Variants in SGCG observed in about 807,000 individuals in gnomAD.
SGCG encodes sarcoglycan gamma.
A neutral mutation model predicts 29.3 loss-of-function variants in SGCG; 26 were observed. That is an observed-to-expected ratio of 0.89 (90% confidence interval 0.65 to 1.23). SGCG has a LOEUF of 1.23. Ranked by LOEUF, SGCG falls within the 50% of genes most tolerant of loss-of-function variation. The pLI, the probability that SGCG is intolerant of heterozygous loss-of-function variation, is 0.00. For synonymous variants in SGCG, 145 were observed against 129.7 expected, an observed-to-expected ratio of 1.12 and a Z score of -0.80; for missense variants, 353 against 356.0, an observed-to-expected ratio of 0.99 and a Z score of 0.07.
chr13:23,178,262 C>A (rs1042302189), upstream of SGCG, among the ~76,000 whole-genome samples: 13 of 152,042 alleles, frequency 8.6e-5, no homozygotes, highest in South Asian at 2.1e-4. Flanking sequence ...CAGGCAGGAG[C>A]AAGGAGGGAA....
chr13:23,320,170 C>T (rs1227914886), intron 6 of SGCG, among the ~76,000 whole-genome samples: 2 of 152,120 alleles, frequency 1.3e-5, no homozygotes, highest in Non-Finnish European at 2.9e-5. Flanking sequence ...ACAAGCCTGC[C>T]ACAGCTGGTT....
chr13:23,298,765 C>A (rs1378570448), intron 6 of SGCG, among the ~76,000 whole-genome samples: 1 of 152,146 alleles, frequency 6.6e-6, no homozygotes, highest in African/African-American at 2.4e-5. Context: ...ATATAGATCT[C>A]AATTAAATAA....
intron 6 of SGCG, among the ~76,000 whole-genome samples, chr13:23,302,658 A>G (rs1882207619): frequency 1.3e-5 from 1 of 76,116 alleles, no homozygotes; most frequent in Non-Finnish European, 3.5e-5. Context: ...TCAATTAAAA[A>G]TAATTTTTAA....
At chr13:23,237,206 A>T (rs1399012411) in intron 3 of SGCG, among the ~76,000 whole-genome samples, 1 of 152,230 alleles carries the variant, frequency 6.6e-6, no homozygotes, top group East Asian at 1.9e-4. Flanking sequence ...TATTGAATTC[A>T]TACTTTGAAT....
At chr13:23,227,857 C>A (rs936503974) in intron 2 of SGCG, among the ~76,000 whole-genome samples, 6 of 152,170 alleles carry the variant, frequency 3.9e-5, no homozygotes, top group African/African-American at 1.4e-4. Flanking sequence ...AATGCCAAGG[C>A]TAAAGTACAG....
chr13:23,318,490 C>T (rs1390454863), intron 6 of SGCG, among the ~76,000 whole-genome samples: 1 of 150,760 alleles, frequency 6.6e-6, no homozygotes, highest in African/African-American at 2.4e-5. Flanking sequence ...ATTACACACA[C>T]ACATAAGCAT....
chr13:23,220,878 C>A (rs1291876637), intron 2 of SGCG, among the ~76,000 whole-genome samples: 1 of 152,088 alleles, frequency 6.6e-6, no homozygotes, highest in Non-Finnish European at 1.5e-5. Context: ...TTTCAGAATC[C>A]ATCTTTATAG....
chr13:23,176,379 A>G (rs576060696), upstream of SGCG, among the ~76,000 whole-genome samples: 2 of 152,306 alleles, frequency 1.3e-5, no homozygotes, highest in Non-Finnish European at 2.9e-5. Context: ...GTTTCAAAGT[A>G]CATATAGATC....
chr13:23,170,026 G>C, the SGCG span: 1 of 152,100 alleles, frequency 6.6e-6, no homozygotes, highest in East Asian at 1.9e-4. Flanking sequence ...TCCGATTCAG[G>C]GCAAGCGAAG....
intron 3 of SGCG, among the ~76,000 whole-genome samples, chr13:23,247,872 A>G: frequency 6.6e-6 from 1 of 150,728 alleles, no homozygotes; most frequent in Admixed American, 6.6e-5. Flanking sequence ...GATCACTTGA[A>G]TCCACGAGTC....
intron 2 of SGCG, among the ~76,000 whole-genome samples, chr13:23,231,834 G>A (rs969472400): frequency 2.0e-5 from 3 of 152,124 alleles, no homozygotes; most frequent in Non-Finnish European, 4.4e-5. Context: ...AAAGAGCTCA[G>A]AAGGCCAGGC....
At chr13:23,181,667 T>C (rs1876738024) in intron 1 of SGCG, among the ~76,000 whole-genome samples, 1 of 152,216 alleles carries the variant, frequency 6.6e-6, no homozygotes, top group South Asian at 2.1e-4. Flanking sequence ...CTGCTCAAAA[T>C]ATGTATGAAA....
chr13:23,243,010 G>C (rs1044413221), intron 3 of SGCG, among the ~76,000 whole-genome samples: 3 of 152,052 alleles, frequency 2.0e-5, no homozygotes, highest in African/African-American at 7.2e-5. Context: ...ATTGTTTTAA[G>C]GTACTTCTTA....
chr13:23,166,395 C>T, the SGCG span, among the ~76,000 whole-genome samples: 4 of 152,090 alleles, frequency 2.6e-5, no homozygotes, highest in African/African-American at 9.7e-5. Flanking sequence ...GAGGTTTCAC[C>T]ATGTTGGCCA....
chr13:23,214,775 C>T (rs944826570), intron 2 of SGCG, among the ~76,000 whole-genome samples: 5 of 152,162 alleles, frequency 3.3e-5, no homozygotes, highest in African/African-American at 4.8e-5. Context: ...AAAAATACAA[C>T]GCTGTAGCAT....
intron 1 of SGCG, among the ~76,000 whole-genome samples, chr13:23,195,181 T>TGCCA (rs1877438781): frequency 1.3e-5 from 2 of 152,204 alleles, no homozygotes; most frequent in Non-Finnish European, 2.9e-5. Flanking sequence ...CTGTGTCTTG[T>TGCCA]TTTTGCTAAC....
chr13:23,181,803 A>G (rs948901530), intron 1 of SGCG, among the ~76,000 whole-genome samples: 13 of 152,230 alleles, frequency 8.5e-5, no homozygotes, highest in African/African-American at 2.7e-4. Flanking sequence ...TTTTAAAGGA[A>G]GGATTAGAAA....
chr13:23,172,592 C>T, the SGCG span, among the ~76,000 whole-genome samples: 1 of 152,158 alleles, frequency 6.6e-6, no homozygotes, highest in Non-Finnish European at 1.5e-5. Flanking sequence ...ATGTAGCTAT[C>T]TGCCTCCTCA....
intron 2 of SGCG, among the ~76,000 whole-genome samples, chr13:23,214,378 C>T (rs1291072059): frequency 6.6e-6 from 1 of 152,228 alleles, no homozygotes; most frequent in Non-Finnish European, 1.5e-5. Flanking sequence ...CAGCAAACAG[C>T]AGGACCTAAA....
Sources: allele counts gnomAD v4.1 joint callset (sites outside exome capture counted in the v4.1 genomes callset), GRCh38; gene constraint gnomAD v4.1.1; transcripts MANE v1.5; gene names NCBI Gene and HGNC (gene_info 2026-07-23, HGNC 2026-07-21).